OVCH1: variants seen among roughly 807,000 people sequenced by gnomAD.
OVCH1 encodes the protein ovochymase 1, also known as ovochymase-1.
In OVCH1, 139 loss-of-function variants were observed where a neutral mutation model predicts 138.4. The observed-to-expected ratio is 1.00, with a 90% CI of 0.87 to 1.16. The LOEUF is 1.16. Among genes scored for constraint, OVCH1 ranks in the 50% most tolerant of loss-of-function variants. The pLI is 0.00. For missense variants in OVCH1, 1,367 were observed against 1,357.9 expected (o/e 1.01, Z -0.11); for synonymous variants, 453 against 467.8 (o/e 0.97, Z 0.41).
chr12:29,426,083 T>C (rs779967561), downstream of OVCH1: 19 of 152,250 alleles, frequency 1.2e-4, no homozygotes, highest in Non-Finnish European at 2.5e-4. Flanking sequence ...ATTCCCTTTA[T>C]CTTTTAATTC....
At chr12:29,414,513 T>C (rs543839345) in intron 3 of OVCH1, among the ~76,000 whole-genome samples, 1 of 152,328 alleles carries the variant, frequency 6.6e-6, no homozygotes, top group East Asian at 1.9e-4. Flanking sequence ...GTGCCATTAT[T>C]CCTGGAAAGT....
At chr12:29,410,869 T>C (rs1940945380), downstream of OVCH1, among the ~76,000 whole-genome samples, 5 of 151,960 alleles carry the variant, frequency 3.3e-5, 1 homozygote, top group South Asian at 1.0e-3. Context: ...CGTTGCTAGA[T>C]TGGGGAAGTT....
intron 3 of OVCH1, 118 bp from the exon 4 acceptor site, chr12:29,495,575 G>T: frequency 2.2e-6 from 2 of 926,470 alleles, no homozygotes; most frequent in Non-Finnish European, 1.6e-6. Flanking sequence ...AGTCTTTGAA[G>T]AAGGTTTTCC....
chr12:29,437,479 G>A (rs1191843042), intron 26 of OVCH1, among the ~76,000 whole-genome samples: 4 of 152,130 alleles, frequency 2.6e-5, no homozygotes, highest in Non-Finnish European at 4.4e-5. Context: ...ATTATCATAA[G>A]GGTGATAATT....
chr12:29,450,967 G>A (rs953833986), intron 22 of OVCH1, among the ~76,000 whole-genome samples: 3 of 137,658 alleles, frequency 2.2e-5, no homozygotes, highest in African/African-American at 5.4e-5. Context: ...GTTGAACAAC[G>A]AGAACACATG....
chr12:29,495,446 T>C (rs1943389024), exon 4 of OVCH1: 1 of 1,612,106 alleles, frequency 6.2e-7, no homozygotes, highest in South Asian at 1.1e-5. Context: ...AGTTATATTC[T>C]TCAGCTGCTT....
At chr12:29,411,204 C>T (rs1413265250), downstream of OVCH1, among the ~76,000 whole-genome samples, 4 of 108,716 alleles carry the variant, frequency 3.7e-5, no homozygotes, top group Admixed American at 1.2e-4. Context: ...GTTATACATT[C>T]GTCTAAATTT....
Position 29,476,755 on chromosome 12 carries a change from GCACACACACACACACA to G in OVCH1, c.1377+331_1377+346del, listed in dbSNP as rs548409739. On this transcript the variant is annotated intron_variant, in intron 12 of 27. Transcript: ENST00000318184. ...CCAAGCAGCATAAGTACACACGCGC[GCACACACACACACACA>G]CACACACACACACACACACACACAC... Among the ~76,000 whole-genome samples, 180 of 103,418 alleles carry G rather than the reference GCACACACACACACACA, an allele frequency of 1.7e-3. 1 individual carries two copies. In the East Asian group the frequency reaches 0.021, roughly 12 times the overall value. 67.8% of individuals were successfully genotyped at this position (103,418 alleles called of 152,430 possible).
At chr12:29,432,277 T>TAAAGGAAGGCTGTACC (rs1941283210) in intron 27 of OVCH1, among the ~76,000 whole-genome samples, 1 of 152,228 alleles carries the variant, frequency 6.6e-6, no homozygotes, top group African/African-American at 2.4e-5. Flanking sequence ...TCACTTTGGC[T>TAAAGGAAGGCTGTACC]ATTACACATA....
chr12:29,417,386 C>T (rs534602634), intron 3 of OVCH1, among the ~76,000 whole-genome samples: 1 of 146,320 alleles, frequency 6.8e-6, no homozygotes, highest in African/African-American at 2.6e-5. Context: ...TTGCTTGAAC[C>T]CTGGAGGTAG....
rs1941796988 is a variant in OVCH1, at chr12:29,451,568, A to G, written c.2532T>C (p.Gly844=). Residue 844 remains glycine, a splice_region_variant and synonymous_variant, in exon 22 of 28, where the codon GGT becomes GGC. Coordinates refer to ENST00000318184, the Ensembl canonical transcript of OVCH1. ...TTTCTAGCTCTGCTTCAGAGCAACA[A>G]CCTGCAATTCAGAACACACAGACAC... is the stretch of plus-strand genomic sequence containing the variant. The G allele has an allele frequency of 2.5e-6, 4 of 1,607,424 alleles. No homozygotes were observed. In the East Asian group the frequency reaches 8.9e-5, roughly 36 times the overall value.
At chr12:29,427,742 C>G (rs1941202200) in intron 27 of OVCH1, 1 of 1,479,798 alleles carries the variant, frequency 6.8e-7, no homozygotes, top group Non-Finnish European at 9.0e-7. Context: ...AACGGGGAAG[C>G]CAGGAGAGTA....
At chr12:29,452,054 T>G (rs1194741583) in intron 21 of OVCH1, among the ~76,000 whole-genome samples, 1 of 152,170 alleles carries the variant, frequency 6.6e-6, no homozygotes. Context: ...CCTTTGGACC[T>G]TTGGGATACC....
chr12:29,408,254 C>G (rs1940908577), downstream of OVCH1, among the ~76,000 whole-genome samples: 1 of 127,254 alleles, frequency 7.9e-6, no homozygotes, highest in Non-Finnish European at 1.9e-5. Context: ...TGTCTGCAAA[C>G]AGGGACAATT....
chr12:29,463,582 C>T (rs1454537961), intron 18 of OVCH1, among the ~76,000 whole-genome samples: 1 of 152,124 alleles, frequency 6.6e-6, no homozygotes, highest in African/African-American at 2.4e-5. Context: ...AATGAGAAGC[C>T]ATTAAGATTA....
intron 25 of OVCH1, chr12:29,439,471 CA>C: frequency 7.8e-7 from 1 of 1,280,944 alleles, no homozygotes; most frequent in Non-Finnish European, 1.0e-6. Flanking sequence ...AACAAACAAA[CA>C]AAAAACAAAA....
rs770902003 is a variant in OVCH1, at chr12:29,489,779, G to C, written c.551-8C>G. On this transcript the variant is annotated splice_region_variant and splice_polypyrimidine_tract_variant and intron_variant, in intron 5 of 27. Transcript: ENST00000318184. ...CATTTGAATATTCTGATGCTGTAGAGAGAGGACAGATAAGTTAGCACACAA... is the reference window on the plus strand; with the variant it reads ...CATTTGAATATTCTGATGCTGTAGACAGAGGACAGATAAGTTAGCACACAA... The C allele has an allele frequency of 1.1e-5, 17 of 1,606,752 alleles. No homozygotes were observed. Among genetic ancestry groups the C allele is most frequent in the Non-Finnish European group, 1.4e-5 (17 of 1,176,480 alleles).
At chr12:29,482,252 AG>A (rs1452175228) in intron 8 of OVCH1, among the ~76,000 whole-genome samples, 1 of 152,146 alleles carries the variant, frequency 6.6e-6, no homozygotes, top group African/African-American at 2.4e-5. Flanking sequence ...AAATATACCA[AG>A]TGTATTCTTG....
chr12:29,436,484 C>A (rs537656830), intron 26 of OVCH1, among the ~76,000 whole-genome samples: 2 of 152,280 alleles, frequency 1.3e-5, no homozygotes, highest in African/African-American at 4.8e-5. Context: ...ATGTATTTGT[C>A]TATAAATTTC....
Sources: gnomAD v4.1 joint callset for allele counts (sites outside exome capture counted in the v4.1 genomes callset) on GRCh38, gnomAD v4.1.1 for gene constraint, MANE v1.5 for transcripts, NCBI Gene and HGNC (gene_info 2026-07-23, HGNC 2026-07-21) for gene names.